C6: variants seen among roughly 807,000 people sequenced by gnomAD.
C6 encodes complement C6.
C6 carries 101 observed loss-of-function variants against 112.9 expected under a neutral mutation model. That is an observed-to-expected ratio of 0.89 (90% CI 0.76 to 1.06). The LOEUF is 1.06. Among genes scored for constraint, C6 ranks in the 50% least tolerant of loss-of-function variants. The probability of loss-of-function intolerance (pLI) is 0.00; values close to 1 mark genes in which losing one functional copy is unlikely to be tolerated. For synonymous variants in C6, 431 were observed against 384.1 expected (o/e 1.12, Z -1.43); for missense variants, 1,202 against 1,104.6 (o/e 1.09, Z -1.25).
At chr5:41,168,676 A>G (rs1296465280) in intron 9 of C6, among the ~76,000 whole-genome samples, 2 of 152,180 alleles carry the variant, frequency 1.3e-5, no homozygotes, top group Non-Finnish European at 2.9e-5. Context: ...GATTGCATTG[A>G]CACAGTTAAA....
intron 3 of C6, among the ~76,000 whole-genome samples, chr5:41,200,891 G>GTTTTGTTTTTTTTTTTTTTTTTTTTT (rs1554029750): frequency 2.8e-5 from 2 of 70,668 alleles, no homozygotes; most frequent in Non-Finnish European, 2.4e-5. Flanking sequence ...TGTTGTTGTT[G>GTTTTGTTTTTTTTTTTTTTTTTTTTT]TTTTTTTTTT....
chr5:41,168,254 T>C (rs1748140349), intron 9 of C6, among the ~76,000 whole-genome samples: 1 of 152,146 alleles, frequency 6.6e-6, no homozygotes, highest in Non-Finnish European at 1.5e-5. Flanking sequence ...AGTATGGTCC[T>C]GAAGACAAAG....
intron 1 of C6, among the ~76,000 whole-genome samples, chr5:41,235,435 C>T (rs1220290301): frequency 7.0e-6 from 1 of 143,166 alleles, no homozygotes; most frequent in Non-Finnish European, 1.5e-5. Flanking sequence ...CATAGTATTC[C>T]ATGGTGTATA....
At chr5:41,187,466 A>G (rs371909529) in intron 5 of C6, among the ~76,000 whole-genome samples, 3 of 152,302 alleles carry the variant, frequency 2.0e-5, no homozygotes, top group African/African-American at 4.8e-5. Flanking sequence ...GCAGTTCACT[A>G]TGGGAGGCTT....
chr5:41,223,523 A>G (rs1739303534), intron 1 of C6, among the ~76,000 whole-genome samples: 1 of 152,124 alleles, frequency 6.6e-6, no homozygotes, highest in South Asian at 2.1e-4. Flanking sequence ...TTTTCTTGTC[A>G]TCAGGTAATA....
chr5:41,201,633 C>T lies in C6; in HGVS notation c.225G>A (p.Trp75Ter), dbSNP rs767991944. ...GGAGGCAGTTGATGGGGCATCTTTG[C>T]CAGTTACATTCTCTAGTCTCCTGCT... is the stretch of plus-strand genomic sequence containing the variant. ...CSKQETRECN[W>*]QRCPINCLLG... is the part of the protein sequence containing the mutation. Residue 75 changes from tryptophan (W) to a stop codon, truncating the protein, a stop_gained, in exon 3 of 18, where the codon TGG becomes TGA. Transcript: ENST00000337836. LOFTEE classifies it high-confidence loss of function. 14 of 1,613,602 alleles carry T rather than the reference C, an allele frequency of 8.7e-6. No individual in the cohort carries two copies. The South Asian group carries it at 1.5e-4, about 18-fold the overall frequency.
chr5:41,186,642 T>C (rs1749792002), intron 5 of C6, among the ~76,000 whole-genome samples: 1 of 152,080 alleles, frequency 6.6e-6, no homozygotes, highest in Admixed American at 6.6e-5. Flanking sequence ...AATGGAATTG[T>C]AATAATATTA....
At chr5:41,247,911 T>C (rs993291463) in intron 1 of C6, among the ~76,000 whole-genome samples, 7 of 152,048 alleles carry the variant, frequency 4.6e-5, no homozygotes, top group Non-Finnish European at 8.8e-5. Context: ...GGAGGTATTA[T>C]ATTACCCAAC....
At chr5:41,226,039 T>C (rs1368984842) in intron 1 of C6, among the ~76,000 whole-genome samples, 1 of 152,282 alleles carries the variant, frequency 6.6e-6, no homozygotes, top group Non-Finnish European at 1.5e-5. Flanking sequence ...GACATAGGCA[T>C]GGACAAGGAC....
intron 9 of C6, among the ~76,000 whole-genome samples, chr5:41,166,083 CT>C (rs1450273894): frequency 2.0e-5 from 3 of 152,022 alleles, no homozygotes; most frequent in Non-Finnish European, 4.4e-5. Context: ...CTACAATGTT[CT>C]TTATAATTTT....
At chr5:41,178,702 C>G (rs1749073113) in intron 7 of C6, among the ~76,000 whole-genome samples, 1 of 152,072 alleles carries the variant, frequency 6.6e-6, no homozygotes, top group Non-Finnish European at 1.5e-5. Context: ...CCTCAAACTC[C>G]TGACCTCAGG....
At position 41,210,741 on chromosome 5, in the gene C6, G is replaced by A. The variant is rs887314238; in HGVS notation, c.-21+2635C>T. Among the ~76,000 whole-genome samples the A allele has an allele frequency of 1.0e-3, 156 of 152,300 alleles. 1 individual carries two copies. The highest frequency in any genetic ancestry group is 3.6e-3 in the African/African-American group (148 of 41,578). ...ATCATTAAAAAGTGAGGAAACAACAGGTGCTGGAGAGGATGTGGAGAAATA... is the reference window on the plus strand; with the variant it reads ...ATCATTAAAAAGTGAGGAAACAACAAGTGCTGGAGAGGATGTGGAGAAATA... On this transcript the variant is annotated intron_variant, in intron 1 of 17. Coordinates refer to ENST00000337836, the MANE Select transcript of C6 (RefSeq NM_000065.5).
intron 1 of C6, among the ~76,000 whole-genome samples, chr5:41,234,416 T>G (rs1740121922): frequency 6.6e-6 from 1 of 151,294 alleles, no homozygotes; most frequent in Non-Finnish European, 1.5e-5. Context: ...TGGAAATCAT[T>G]TTGCCAGATA....
chr5:41,254,246 A>G (rs1741539116), intron 1 of C6, among the ~76,000 whole-genome samples: 1 of 152,088 alleles, frequency 6.6e-6, no homozygotes. Context: ...CTAAAAATAC[A>G]AAAAATTAAA....
At chr5:41,144,732 C>T (rs939184123) in intron 17 of C6, among the ~76,000 whole-genome samples, 8 of 152,150 alleles carry the variant, frequency 5.3e-5, no homozygotes, top group Non-Finnish European at 1.0e-4. Context: ...AATCCTCTCC[C>T]TACTCCCACT....
chr5:41,175,383 A>G lies in C6; in HGVS notation c.1168+1092T>C, dbSNP rs189636217. ...GTGTATGTATGTACTGTGTGCATGC[A>G]TGTATATATGGATATGCATGGGTAT... On this transcript the variant is annotated intron_variant, in intron 8 of 17. Coordinates refer to ENST00000337836, the MANE Select transcript of C6 (RefSeq NM_000065.5). Among the ~76,000 whole-genome samples the G allele has an allele frequency of 4.6e-5, 7 of 152,380 alleles. No homozygotes were observed. The East Asian group carries it at 1.3e-3, about 29-fold the overall frequency.
In C6 at chr5:41,249,305, A is replaced by T. The variant is rs74993879; in HGVS notation, c.-21+11889T>A. Among the ~76,000 whole-genome samples the T allele has an allele frequency of 3.5e-3, 532 of 152,142 alleles. 4 individuals carry two copies. Among genetic ancestry groups the T allele is most frequent in the African/African-American group, 0.012 (492 of 41,504 alleles). On this transcript the variant is annotated intron_variant, in intron 1 of 17. Coordinates refer to the C6 transcript ENST00000263413. The stretch of plus-strand genomic sequence containing the variant: ...CTAAAATACAAGTTGAAATTACATT[A>T]AAAAAAAGTCAGTTCAAGTTTTTAA...
chr5:41,161,798 A>T lies in C6; in HGVS notation c.1353T>A (p.Tyr451Ter). 1 of 1,613,710 alleles carries T rather than the reference A, an allele frequency of 6.2e-7. No individual in the cohort carries two copies. ...CTTTCTCCCATGCCAAAGCTGCTCC[A>T]TATTCACTCCTTCCACCTCGAATCA... ...ISLIRGGRSE[Y>*]GAALAWEKGS... Residue 451 changes from tyrosine to a stop codon, truncating the protein, a stop_gained, in exon 10 of 18, where the codon TAT becomes TAA. Transcript: ENST00000337836. LOFTEE classifies it high-confidence loss of function.
chr5:41,183,236 G>A (rs1749489768), intron 6 of C6, among the ~76,000 whole-genome samples: 1 of 152,140 alleles, frequency 6.6e-6, no homozygotes, highest in African/African-American at 2.4e-5. Context: ...CCAATAGCAT[G>A]GATAATGGTA....
Sources: allele counts gnomAD v4.1 joint callset (sites outside exome capture counted in the v4.1 genomes callset), GRCh38; gene constraint gnomAD v4.1.1; transcripts MANE v1.5; gene names NCBI Gene and HGNC (gene_info 2026-07-23, HGNC 2026-07-21).